Variants in OMD observed in about 807,000 individuals in gnomAD.
The protein encoded by OMD is KSPG osteomodulin.
A neutral mutation model predicts 31.2 loss-of-function variants in OMD; 19 were observed. That is an observed-to-expected ratio of 0.61 (90% CI 0.42 to 0.89). The LOEUF (loss-of-function observed/expected upper bound fraction) is 0.89, where lower values mean the gene tolerates loss of function less well. OMD is among the 40% of genes least tolerant of loss of function. The pLI is 0.00. For missense variants in OMD, 448 were observed against 490.8 expected (o/e 0.91, Z 0.82); for synonymous variants, 155 against 166.4 (o/e 0.93, Z 0.53).
chr9:92,421,485 TAAGGAGTTATGGTATCATACCA>T (rs1843792586), intron 1 of OMD, among the ~76,000 whole-genome samples: 1 of 152,216 alleles, frequency 6.6e-6, no homozygotes, highest in South Asian at 2.1e-4. Flanking sequence ...GAGGTAGATT[TAAGGAGTTATGGTATCATACCA>T]AAGGGCAGTG....
At chr9:92,416,080 T>A (rs796071835) in intron 2 of OMD, among the ~76,000 whole-genome samples, 12,753 of 135,396 alleles carry the variant, frequency 0.094, 863 homozygotes, top group South Asian at 0.14. Context: ...ATTTATTTAT[T>A]TATTTATTTA....
At position 92,416,595 on chromosome 9, in the gene OMD, A is replaced by G. The variant is rs189197536; in HGVS notation, c.940+24T>C. 5.9e-5 allele frequency: 81 copies of G among 1,373,782 alleles called. No individual in the cohort carries two copies. In the African/African-American group the frequency reaches 1.1e-3, roughly 18 times the overall value. 85.1% of individuals were successfully genotyped at this position (1,373,782 alleles called of 1,614,324 possible). A position where few individuals can be genotyped will look rare whatever the true frequency, so the allele number is the denominator to read the frequency against. On this transcript the variant is annotated intron_variant, in intron 2 of 2. Transcript: ENST00000375550. ...TCAGGATTCCATTCTTTCTCTCTTC[A>G]AAACACAATAAAAGTCTACATACTT... is the stretch of plus-strand genomic sequence containing the variant.
At chr9:92,415,872 TTTC>T (rs1403839596) in intron 2 of OMD, among the ~76,000 whole-genome samples, 3 of 146,294 alleles carry the variant, frequency 2.1e-5, no homozygotes, top group African/African-American at 7.4e-5. Flanking sequence ...AAATTATATA[TTTC>T]TTCTTTTTTT....
chr9:92,418,530 C>T (rs1200906767), intron 1 of OMD, among the ~76,000 whole-genome samples: 1 of 152,048 alleles, frequency 6.6e-6, no homozygotes, highest in African/African-American at 2.4e-5. Context: ...AATAGCATGA[C>T]ATCAGTCAAC....
chr9:92,422,080 T>G (rs1381785816), intron 1 of OMD, among the ~76,000 whole-genome samples: 1 of 152,000 alleles, frequency 6.6e-6, no homozygotes, highest in Non-Finnish European at 1.5e-5. Context: ...GACAAGAGTC[T>G]CGTGCTGTCA....
At chr9:92,423,476 T>C (rs922699200) in intron 1 of OMD, among the ~76,000 whole-genome samples, 4 of 152,134 alleles carry the variant, frequency 2.6e-5, no homozygotes, top group African/African-American at 9.7e-5. Flanking sequence ...TTGTTTTTAT[T>C]TGTATGACAT....
rs571266574 is a variant in OMD at position 92,412,817 on chromosome 9, C to T, written c.*2335G>A. Among the ~76,000 whole-genome samples the T allele has an allele frequency of 1.2e-4, 19 of 152,066 alleles. No individual in the cohort carries two copies. In the South Asian group the frequency reaches 3.3e-3, roughly 27 times the overall value. On this transcript the variant is annotated 3_prime_UTR_variant, in exon 3 of 3. Transcript: ENST00000375550. The stretch of plus-strand genomic sequence containing the variant: ...AATAATATTCCATGAAATGGATATA[C>T]CACATTTTGTTTATCCATTGATGGA...
chr9:92,417,589 A>C lies in OMD; in HGVS notation c.-16-15T>G. The C allele has an allele frequency of 7.3e-7, 1 of 1,365,270 alleles. No homozygotes were observed. The highest frequency in any genetic ancestry group is 2.3e-5 in the East Asian group (1 of 43,216). The allele number at this position is 1,365,270 out of a possible 1,614,324, so 84.6% of individuals were successfully genotyped here. ...TTTTTTTTTTCCTATTGCAAGGAGA[A>C]AAGGAAACATTGTGGAGAAAGTGAG... On this transcript the variant is annotated splice_polypyrimidine_tract_variant and intron_variant, in intron 1 of 2. Transcript: ENST00000375550.
rs898981127 is a variant in OMD at position 92,413,941 on chromosome 9, A to G, written c.*1211T>C. 6.6e-6 allele frequency among the ~76,000 whole-genome samples: 1 copy of G among 152,226 alleles called. No homozygotes were observed. Among genetic ancestry groups the G allele is most frequent in the Non-Finnish European group, 1.5e-5 (1 of 68,040 alleles). ...CAAGCTTGAAAACTATTTCTGAAGTATAGTTTGACTTGTCTGTCTGTTGCA... is the reference window on the plus strand; with the variant it reads ...CAAGCTTGAAAACTATTTCTGAAGTGTAGTTTGACTTGTCTGTCTGTTGCA... On this transcript the variant is annotated 3_prime_UTR_variant, in exon 3 of 3. Transcript: ENST00000375550.
chr9:92,415,946 A>G (rs1261752203), intron 2 of OMD, among the ~76,000 whole-genome samples: 1 of 145,168 alleles, frequency 6.9e-6, no homozygotes, highest in Non-Finnish European at 1.5e-5. Flanking sequence ...GAGTAAACTC[A>G]GAATACGCTC....
chr9:92,417,541 T>C lies in OMD; in HGVS notation c.18A>G (p.Pro6=), dbSNP rs988924416. 1 of 1,574,772 alleles carries C rather than the reference T, an allele frequency of 6.4e-7. No individual in the cohort carries two copies. The highest frequency in any genetic ancestry group is 1.4e-5 in the African/African-American group (1 of 72,506). The change falls in exon 2 of 3, where the codon CCA becomes CCG. Residue 6 remains proline (P), a synonymous_variant. Transcript: ENST00000375550. The part of the protein sequence containing the change: MGFLS[P]IYVIFFFFGV... ...CAAAAAAGAAGAAAATAACATATAT[T>C]GGACTTAAAAAACCCATCTTCTTTT...
At position 92,417,339 on chromosome 9, in the gene OMD, A is replaced by G; in HGVS notation, c.220T>C (p.Ser74Pro). 2 of 1,614,058 alleles carry G rather than the reference A, an allele frequency of 1.2e-6. No individual in the cohort carries two copies. Among genetic ancestry groups the G allele is most frequent in the Non-Finnish European group, 1.7e-6 (2 of 1,179,946 alleles). The part of the protein sequence containing the change: ...SECFCPTNFP[S>P]SMYCDNRKLK... ...TTGCGATTATCACAGTACATTGATG[A>G]TGGAAAGTTAGTTGGACAGAAGCAT... Residue 74 changes from serine to proline, a missense_variant, in exon 2 of 3, where the codon TCA becomes CCA. Ser to Pro is a moderately conservative substitution (Grantham distance 74, BLOSUM62 -1). Transcript: ENST00000375550.
chr9:92,417,699 G>T, intron 1 of OMD, 125 bp from the exon 2 acceptor site: 1 of 609,562 alleles, frequency 1.6e-6, no homozygotes, highest in Non-Finnish European at 2.6e-6. Flanking sequence ...TATCCAGAAA[G>T]AATGGGCAGT....
chr9:92,421,794 G>A (rs995477555), intron 1 of OMD, among the ~76,000 whole-genome samples: 1 of 152,140 alleles, frequency 6.6e-6, no homozygotes, highest in African/African-American at 2.4e-5. Context: ...CTTAGTGGAG[G>A]AGAGAGATAC....
At chr9:92,424,118 T>C (rs1395769734) in intron 1 of OMD, 84 bp downstream of exon 1, 1 of 152,246 alleles carries the variant, frequency 6.6e-6, no homozygotes, top group Non-Finnish European at 1.5e-5. Flanking sequence ...CAGTCTATTT[T>C]AATATTAAAA....
rs989625258 is a variant in OMD at position 92,412,641 on chromosome 9, G to A, written c.*2511C>T. Among the ~76,000 whole-genome samples the A allele has an allele frequency of 1.3e-5, 2 of 152,148 alleles. No individual in the cohort carries two copies. Among genetic ancestry groups the A allele is most frequent in the African/African-American group, 2.4e-5 (1 of 41,430 alleles). On this transcript the variant is annotated 3_prime_UTR_variant, in exon 3 of 3. Transcript: ENST00000375550. The stretch of plus-strand genomic sequence containing the variant: ...CTTTTTACGACTGACTTCTTTCACT[G>A]AGCATAATGTTTTCAAGGTTATCCA...
At chr9:92,417,920 G>T (rs1843667827) in intron 1 of OMD, among the ~76,000 whole-genome samples, 1 of 151,826 alleles carries the variant, frequency 6.6e-6, no homozygotes, top group Non-Finnish European at 1.5e-5. Context: ...TAGAGACAAG[G>T]TTTCGTTGTG....
In OMD at chr9:92,413,599, T is replaced by C. The variant is rs1483834445; in HGVS notation, c.*1553A>G. Among the ~76,000 whole-genome samples the C allele has an allele frequency of 6.6e-6, 1 of 152,234 alleles. No homozygotes were observed. Among genetic ancestry groups the C allele is most frequent in the Admixed American group, 6.5e-5 (1 of 15,280 alleles). ...GAATTTATATCCTGTATTTAAAAAT[T>C]GCAAGAAAAGGGAGGTGGGCCTTAA... On this transcript the variant is annotated 3_prime_UTR_variant, in exon 3 of 3. Transcript: ENST00000375550.
At position 92,417,589 on chromosome 9, in the gene OMD, A is replaced by T; in HGVS notation, c.-16-15T>A. On this transcript the variant is annotated splice_polypyrimidine_tract_variant and intron_variant, in intron 1 of 2. Transcript: ENST00000375550. ...TTTTTTTTTTCCTATTGCAAGGAGA[A>T]AAGGAAACATTGTGGAGAAAGTGAG... 7.3e-7 allele frequency: 1 copy of T among 1,365,270 alleles called. No individual in the cohort carries two copies. The highest frequency in any genetic ancestry group is 1.0e-6 in the Non-Finnish European group (1 of 996,682). 84.6% of individuals were successfully genotyped at this position (1,365,270 alleles called of 1,614,324 possible).
Sources: allele counts gnomAD v4.1 joint callset (sites outside exome capture counted in the v4.1 genomes callset), GRCh38; gene constraint gnomAD v4.1.1; transcripts MANE v1.5; gene names NCBI Gene and HGNC (gene_info 2026-07-23, HGNC 2026-07-21).